The following IFT80 variants were observed in gnomAD, a reference collection of about 807,000 sequenced individuals.
The protein encoded by IFT80 is intraflagellar transport protein 80 homolog.
In IFT80, 79 loss-of-function variants were observed where a neutral mutation model predicts 107.9. The ratio of observed to expected loss-of-function variants is 0.73; its 90% CI spans 0.61 to 0.88. The LOEUF is 0.88. IFT80 is among the 40% of genes least tolerant of loss of function. IFT80 has a pLI of 0.00. For missense variants in IFT80, 797 were observed against 914.2 expected (o/e 0.87, Z 1.65); for synonymous variants, 299 against 300.9 (o/e 0.99, Z 0.07).
chr3:160,372,159 A>G (rs1711571981), intron 5 of IFT80, among the ~76,000 whole-genome samples: 1 of 152,374 alleles, frequency 6.6e-6, no homozygotes, highest in African/African-American at 2.4e-5. Context: ...TCATCAAGAA[A>G]TAAGTATAAT....
In IFT80 at chr3:160,297,157, G is replaced by T. The variant is rs1339731220; in HGVS notation, c.1315+3726C>A. Among the ~76,000 whole-genome samples, 10 of 152,172 alleles carry T rather than the reference G, an allele frequency of 6.6e-5. No individual in the cohort carries two copies. The South Asian group carries it at 2.1e-3, about 32-fold the overall frequency. On this transcript the variant is annotated intron_variant, in intron 12 of 19. Transcript: ENST00000326448. ...ATTGAAGAAGCCTGGCACAAATGCT[G>T]CCTCTGCCCCTTTCTCTGTTTCACC...
intron 8 of IFT80, among the ~76,000 whole-genome samples, chr3:160,328,839 C>T (rs1718877541): frequency 6.6e-6 from 1 of 152,108 alleles, no homozygotes; most frequent in South Asian, 2.1e-4. Flanking sequence ...TTCTCAGGGA[C>T]ATGGATGGAG....
At chr3:160,328,137 A>G (rs1489329871) in intron 8 of IFT80, among the ~76,000 whole-genome samples, 1 of 152,164 alleles carries the variant, frequency 6.6e-6, no homozygotes, top group Non-Finnish European at 1.5e-5. Context: ...ACAGTGAGAT[A>G]CCATATCTCA....
chr3:160,279,319 T>C lies in IFT80; in HGVS notation c.1710A>G (p.Gln570=). The C allele has an allele frequency of 6.2e-7, 1 of 1,613,446 alleles. No homozygotes were observed. The highest frequency in any genetic ancestry group is 1.7e-5 in the Admixed American group (1 of 59,978). Residue 570 remains glutamine (Q), a synonymous_variant, in exon 16 of 20, where the codon CAA becomes CAG. Coordinates refer to ENST00000326448, the MANE Select transcript of IFT80 (RefSeq NM_020800.3). ...AGCCATCAGCTCTTCTAATAGTTACTTGATTTCCAACAAAACTCACAATAT... is the reference window on the plus strand; with the variant it reads ...AGCCATCAGCTCTTCTAATAGTTACCTGATTTCCAACAAAACTCACAATAT... ...NPHIVSFVGN[Q]VTIRRADGSL... is the part of the protein sequence containing the mutation.
chr3:160,314,088 G>A (rs1490854790), intron 9 of IFT80, among the ~76,000 whole-genome samples: 8 of 152,000 alleles, frequency 5.3e-5, no homozygotes, highest in Non-Finnish European at 1.2e-4. Flanking sequence ...TAATCCTATA[G>A]CTATAATCAT....
intron 18 of IFT80, chr3:160,268,836 T>G: frequency 3.1e-6 from 1 of 324,242 alleles, no homozygotes; most frequent in Admixed American, 4.6e-5. Context: ...AGTACAATTG[T>G]TATGAGTCTT....
chr3:160,336,079 T>C (rs1719442302), intron 8 of IFT80, among the ~76,000 whole-genome samples: 1 of 152,220 alleles, frequency 6.6e-6, no homozygotes, highest in African/African-American at 2.4e-5. Context: ...CTTCAATTTT[T>C]TCAGCTTTTT....
chr3:160,364,891 T>C (rs994529317), intron 6 of IFT80, among the ~76,000 whole-genome samples: 4 of 151,720 alleles, frequency 2.6e-5, no homozygotes, highest in Non-Finnish European at 5.9e-5. Flanking sequence ...TTAGGAGAAA[T>C]ACCTAATATA....
chr3:160,369,259 C>A (rs903705520), intron 5 of IFT80, among the ~76,000 whole-genome samples: 2 of 151,442 alleles, frequency 1.3e-5, no homozygotes, highest in African/African-American at 2.4e-5. Flanking sequence ...GGTTTTTAAC[C>A]ACATTCCTTC....
chr3:160,388,216 C>CT (rs754817640), intron 1 of IFT80, among the ~76,000 whole-genome samples: 179 of 134,790 alleles, frequency 1.3e-3, no homozygotes, highest in African/African-American at 2.4e-3. Context: ...GGACTTGTTT[C>CT]TTTTTTTTTT....
At chr3:160,358,174 C>CT (rs771338385) in intron 6 of IFT80, among the ~76,000 whole-genome samples, 134 of 141,750 alleles carry the variant, frequency 9.5e-4, no homozygotes, top group East Asian at 3.1e-3. Context: ...CACCCAGCTA[C>CT]TTTTTTTTTT....
At chr3:160,367,063 A>G (rs1721920252) in intron 5 of IFT80, among the ~76,000 whole-genome samples, 1 of 152,072 alleles carries the variant, frequency 6.6e-6, no homozygotes, top group African/African-American at 2.4e-5. Flanking sequence ...CACTCAACAT[A>G]ATGAATGAAC....
chr3:160,353,947 T>C (rs1168968298), intron 8 of IFT80, among the ~76,000 whole-genome samples: 1 of 152,200 alleles, frequency 6.6e-6, no homozygotes, highest in Non-Finnish European at 1.5e-5. Flanking sequence ...GTTTTTAAAA[T>C]TTTAAAATAT....
chr3:160,311,038 T>C (rs1717207036), intron 9 of IFT80, among the ~76,000 whole-genome samples: 1 of 152,108 alleles, frequency 6.6e-6, no homozygotes, highest in Non-Finnish European at 1.5e-5. Context: ...AATGGGAGGA[T>C]CGTTTGAGCT....
At chr3:160,344,033 G>A (rs1720106360) in intron 8 of IFT80, among the ~76,000 whole-genome samples, 1 of 152,062 alleles carries the variant, frequency 6.6e-6, no homozygotes, top group Non-Finnish European at 1.5e-5. Context: ...AACTATCCTT[G>A]AGAAAGGCTG....
intron 8 of IFT80, among the ~76,000 whole-genome samples, chr3:160,323,608 C>G (rs1365454234): frequency 6.6e-6 from 1 of 151,906 alleles, no homozygotes; most frequent in African/African-American, 2.4e-5. Context: ...ATACCAGAAT[C>G]TCTGGGACAC....
At chr3:160,358,765 A>T (rs936287827) in intron 6 of IFT80, among the ~76,000 whole-genome samples, 32 of 152,250 alleles carry the variant, frequency 2.1e-4, no homozygotes, top group Admixed American at 1.9e-3. Flanking sequence ...GGGTATCAAC[A>T]TATATTACAA....
chr3:160,302,719 A>G (rs1340620435), intron 11 of IFT80, among the ~76,000 whole-genome samples: 6 of 152,146 alleles, frequency 3.9e-5, no homozygotes, highest in African/African-American at 1.2e-4. Context: ...GATAGCTGAT[A>G]TCTTACCTTT....
At chr3:160,320,985 T>C (rs989577968) in intron 8 of IFT80, among the ~76,000 whole-genome samples, 11 of 151,930 alleles carry the variant, frequency 7.2e-5, no homozygotes, top group African/African-American at 2.7e-4. Flanking sequence ...GACACTCTTT[T>C]ACAACTCTCC....
Sources: gnomAD v4.1 joint callset for allele counts (sites outside exome capture counted in the v4.1 genomes callset) on GRCh38, gnomAD v4.1.1 for gene constraint, MANE v1.5 for transcripts, NCBI Gene and HGNC (gene_info 2026-07-23, HGNC 2026-07-21) for gene names.